The following ARHGAP15 variants were observed in gnomAD, a reference collection of about 807,000 sequenced individuals.
ARHGAP15 encodes the protein Rho GTPase activating protein 15, also known as rho GTPase-activating protein 15.
Under a neutral mutation model 63.7 loss-of-function variants are expected in ARHGAP15, and 51 were observed. The observed-to-expected ratio is 0.80, with a 90% CI of 0.64 to 1.01. The LOEUF (loss-of-function observed/expected upper bound fraction) is 1.01. Among genes scored for constraint, ARHGAP15 ranks in the 50% least tolerant of loss-of-function variants. The pLI is 0.00. For missense variants in ARHGAP15, 560 were observed against 564.6 expected (o/e 0.99, Z 0.08); for synonymous variants, 191 against 193.8 (o/e 0.99, Z 0.12).
chr2:143,384,960 G>T (rs571092115), intron 6 of ARHGAP15, among the ~76,000 whole-genome samples: 1 of 152,260 alleles, frequency 6.6e-6, no homozygotes, highest in East Asian at 1.9e-4. Context: ...TTTATAGAAA[G>T]ATACTTTGTT....
At chr2:143,659,861 T>G (rs529199281) in intron 12 of ARHGAP15, among the ~76,000 whole-genome samples, 1 of 152,186 alleles carries the variant, frequency 6.6e-6, no homozygotes, top group Admixed American at 6.5e-5. Context: ...TCTCTGGCAC[T>G]TGGTTTAGTC....
chr2:143,468,633 TGAGAGAGAGAGAGA>T (rs60106286), intron 8 of ARHGAP15, among the ~76,000 whole-genome samples: 4 of 135,178 alleles, frequency 3.0e-5, no homozygotes, highest in Non-Finnish European at 4.7e-5. Flanking sequence ...GGTTTCTTTG[TGAGAGAGAGAGAGA>T]GAGAGAGAGA....
intron 6 of ARHGAP15, among the ~76,000 whole-genome samples, chr2:143,293,174 C>A (rs143442284): frequency 2.0e-4 from 31 of 151,992 alleles, no homozygotes; most frequent in African/African-American, 7.5e-4. Context: ...CTCTTGGACA[C>A]TTTATTATTA....
chr2:143,502,112 A>G (rs915604519), intron 9 of ARHGAP15, among the ~76,000 whole-genome samples: 5 of 152,150 alleles, frequency 3.3e-5, no homozygotes, highest in Non-Finnish European at 7.4e-5. Context: ...AATGGTAGTA[A>G]AAGACTTTGG....
intron 8 of ARHGAP15, among the ~76,000 whole-genome samples, chr2:143,441,936 T>A (rs577090533): frequency 9.2e-5 from 14 of 152,310 alleles, no homozygotes; most frequent in African/African-American, 3.4e-4. Flanking sequence ...ATGTTTCTAA[T>A]AATTAGGGTA....
At chr2:143,538,779 TG>T (rs1167680707) in intron 10 of ARHGAP15, among the ~76,000 whole-genome samples, 3 of 152,212 alleles carry the variant, frequency 2.0e-5, no homozygotes, top group Non-Finnish European at 4.4e-5. Context: ...GGATTCGGTT[TG>T]CCAGTATTTT....
chr2:143,307,579 T>C (rs778169449), intron 6 of ARHGAP15, among the ~76,000 whole-genome samples: 1 of 152,240 alleles, frequency 6.6e-6, no homozygotes, highest in Non-Finnish European at 1.5e-5. Flanking sequence ...ATATTACAAA[T>C]TGAATAATGA....
intron 6 of ARHGAP15, among the ~76,000 whole-genome samples, chr2:143,289,000 C>A (rs1020916989): frequency 1.3e-5 from 2 of 151,964 alleles, no homozygotes; most frequent in Non-Finnish European, 2.9e-5. Context: ...TCAAGCCTGT[C>A]ACCACCGACA....
chr2:143,423,053 T>A (rs911053072), intron 6 of ARHGAP15, among the ~76,000 whole-genome samples: 1 of 152,064 alleles, frequency 6.6e-6, no homozygotes, highest in Non-Finnish European at 1.5e-5. Flanking sequence ...GAGAAGCATC[T>A]GTTGAGTTGT....
chr2:143,282,022 C>A (rs2105085334), intron 6 of ARHGAP15, among the ~76,000 whole-genome samples: 1 of 152,032 alleles, frequency 6.6e-6, no homozygotes, highest in Admixed American at 6.6e-5. Flanking sequence ...TAAGTTTTTT[C>A]TTTTAGTAGT....
At chr2:143,275,262 G>A (rs1681487360) in intron 6 of ARHGAP15, among the ~76,000 whole-genome samples, 1 of 152,176 alleles carries the variant, frequency 6.6e-6, no homozygotes, top group Admixed American at 6.6e-5. Flanking sequence ...GTCAGCCGCT[G>A]TCAAACCTTG....
chr2:143,370,647 T>C (rs1242222778), intron 6 of ARHGAP15, among the ~76,000 whole-genome samples: 1 of 152,170 alleles, frequency 6.6e-6, no homozygotes, highest in Non-Finnish European at 1.5e-5. Context: ...TAAAATTATT[T>C]TATTATATTT....
At chr2:143,202,958 T>C (rs1027722603) in intron 3 of ARHGAP15, among the ~76,000 whole-genome samples, 5 of 152,116 alleles carry the variant, frequency 3.3e-5, no homozygotes, top group Admixed American at 3.3e-4. Flanking sequence ...ACCTTTCTGA[T>C]ATGTTCTGAT....
chr2:143,435,168 C>G lies in ARHGAP15; in HGVS notation c.475-433C>G, dbSNP rs140031685. ...GGTAAATAAACTGTTTTAGAGCTCTCCATAAAAGGAAATCAAATATAGAGA... is the reference window on the plus strand; with the variant it reads ...GGTAAATAAACTGTTTTAGAGCTCTGCATAAAAGGAAATCAAATATAGAGA... On this transcript the variant is annotated intron_variant, in intron 6 of 13. Coordinates refer to ENST00000295095, the MANE Select transcript of ARHGAP15 (RefSeq NM_018460.4). The G allele has an allele frequency of 4.2e-5, 31 of 732,394 alleles. No homozygotes were observed. In the African/African-American group the frequency reaches 5.4e-4, roughly 13 times the overall value. 45.4% of individuals were successfully genotyped at this position (732,394 alleles called of 1,614,324 possible).
chr2:143,282,024 T>C, intron 6 of ARHGAP15, among the ~76,000 whole-genome samples: 1 of 152,124 alleles, frequency 6.6e-6, no homozygotes, highest in Non-Finnish European at 1.5e-5. Context: ...AGTTTTTTCT[T>C]TTAGTAGTTT....
At chr2:143,703,371 A>G (rs762201576) in intron 12 of ARHGAP15, 48 bp from the exon 13 acceptor site, 5 of 1,531,738 alleles carry the variant, frequency 3.3e-6, no homozygotes, top group Non-Finnish European at 4.4e-6. Flanking sequence ...ACCTGTACCT[A>G]TGAAATCTTG....
intron 2 of ARHGAP15, among the ~76,000 whole-genome samples, chr2:143,181,646 T>G (rs905830540): frequency 6.6e-5 from 10 of 152,188 alleles, no homozygotes; most frequent in Non-Finnish European, 1.5e-5. Flanking sequence ...TTTTTCCACC[T>G]CTCTCAGCCT....
intron 2 of ARHGAP15, among the ~76,000 whole-genome samples, chr2:143,179,371 A>G (rs1219273769): frequency 6.6e-5 from 10 of 152,258 alleles, no homozygotes; most frequent in East Asian, 1.9e-4. Flanking sequence ...TAAGTCTCCA[A>G]CTTCCTCTTA....
chr2:143,716,863 C>T (rs139006930), intron 13 of ARHGAP15, among the ~76,000 whole-genome samples: 14 of 152,264 alleles, frequency 9.2e-5, no homozygotes, highest in Non-Finnish European at 1.6e-4. Context: ...AGATATAATC[C>T]CAGCCCTTTA....
Sources: allele counts gnomAD v4.1 joint callset (sites outside exome capture counted in the v4.1 genomes callset), GRCh38; gene constraint gnomAD v4.1.1; transcripts MANE v1.5; gene names NCBI Gene and HGNC (gene_info 2026-07-23, HGNC 2026-07-21).